JAKMIP3: variants seen among roughly 807,000 people sequenced by gnomAD.
The protein encoded by JAKMIP3 is Janus kinase and microtubule interacting protein 3, also known as janus kinase and microtubule-interacting protein 3.
A neutral mutation model predicts 118.5 loss-of-function variants in JAKMIP3; 58 were observed. That is an observed-to-expected ratio of 0.49 (90% confidence interval 0.40 to 0.61). The LOEUF (loss-of-function observed/expected upper bound fraction) is 0.61. Ranked by LOEUF, JAKMIP3 falls within the 20% of genes least tolerant of loss-of-function variation. The pLI is 0.00. For synonymous variants in JAKMIP3, 486 were observed against 451.2 expected (o/e 1.08, Z -0.98); for missense variants, 950 against 1,109.0 (o/e 0.86, Z 2.04).
In JAKMIP3 at chr10:132,044,108, C is replaced by T. The variant is rs901095365; in HGVS notation, c.-138+7370C>T. 1.5e-4 allele frequency among the ~76,000 whole-genome samples: 23 copies of T among 152,308 alleles called. No homozygotes were observed. Among genetic ancestry groups the T allele is most frequent in the Non-Finnish European group, 2.4e-4 (16 of 68,026 alleles). ...TGGCCCACCTGGGGACACAGGCTGC[C>T]GCCTTGATGCTGCTCCCCTGGGACC... On this transcript the variant is annotated intron_variant, in intron 1 of 23. Transcript: ENST00000657785. The surrounding 1 kb of genome is among the most constrained non-coding windows in gnomAD (Gnocchi z 5.3).
chr10:132,052,096 A>G (rs151262408), intron 1 of JAKMIP3, among the ~76,000 whole-genome samples: 2 of 152,266 alleles, frequency 1.3e-5, no homozygotes, highest in East Asian at 3.9e-4. Context: ...ATGGTGGTGC[A>G]TGCCTGTAGT....
intron 1 of JAKMIP3, among the ~76,000 whole-genome samples, chr10:132,036,800 G>C: frequency 6.6e-6 from 1 of 151,574 alleles, no homozygotes; most frequent in East Asian, 1.9e-4. Flanking sequence ...CGTCTGGCAC[G>C]GTGCGTCCGG....
In JAKMIP3 at chr10:132,039,383, C is replaced by T. The variant is rs537914558; in HGVS notation, c.-138+2645C>T. ...CCCGTCTGCCCTGCCTTGCCCCCTC[C>T]GGTTTTGACATCCCCCCATACCTGC... On this transcript the variant is annotated intron_variant, in intron 1 of 23. Coordinates refer to the JAKMIP3 transcript ENST00000657785. Among the ~76,000 whole-genome samples, 10 of 150,960 alleles carry T rather than the reference C, an allele frequency of 6.6e-5. No homozygotes were observed. In the East Asian group the frequency reaches 1.8e-3, roughly 27 times the overall value.
At chr10:132,110,570 C>T (rs1385557880) in intron 2 of JAKMIP3, among the ~76,000 whole-genome samples, 1 of 152,250 alleles carries the variant, frequency 6.6e-6, no homozygotes, top group Non-Finnish European at 1.5e-5. Flanking sequence ...TCTGCAACTG[C>T]TTCATCACAT....
chr10:132,100,696 G>A (rs1275194952), intron 1 of JAKMIP3, among the ~76,000 whole-genome samples: 6 of 152,178 alleles, frequency 3.9e-5, no homozygotes. Context: ...TACCAAAGCT[G>A]TGATCATCCG....
intron 1 of JAKMIP3, among the ~76,000 whole-genome samples, chr10:132,050,708 C>T (rs935656457): frequency 4.6e-5 from 7 of 152,170 alleles, no homozygotes; most frequent in Admixed American, 1.3e-4. Context: ...CACATTTTTT[C>T]ATTTTTTGTG....
rs866098015 is a variant in JAKMIP3, at chr10:132,140,182, C to T, written c.1345-269C>T. ...AGGGAACCGCAGGGACGGTGCCCCA[C>T]GAAGGGCCTCATTCCCCACCACCAA... On this transcript the variant is annotated intron_variant, in intron 9 of 23. Transcript: ENST00000684848. Among the ~76,000 whole-genome samples the T allele has an allele frequency of 5.9e-5, 9 of 152,362 alleles. No individual in the cohort carries two copies. In the East Asian group the frequency reaches 7.7e-4, roughly 13 times the overall value.
At position 132,127,126 on chromosome 10, in the gene JAKMIP3, A is replaced by AT. The variant is rs200349560; in HGVS notation, c.634-6182dup. 7.3e-3 allele frequency among the ~76,000 whole-genome samples: 1,109 copies of AT among 151,724 alleles called. 9 individuals carry two copies. Among genetic ancestry groups the AT allele is most frequent in the African/African-American group, 0.026 (1,067 of 41,344 alleles). On this transcript the variant is annotated intron_variant, in intron 3 of 23. Coordinates refer to ENST00000684848, the MANE Select transcript of JAKMIP3 (RefSeq NM_001323087.2). ...TGTATTTAATAAATATAAAGTTCAG[A>AT]TTTTATGTTTATTTTTATGTTAAGT...
At chr10:132,093,857 G>C (rs2043451503) in intron 1 of JAKMIP3, among the ~76,000 whole-genome samples, 2 of 151,544 alleles carry the variant, frequency 1.3e-5, no homozygotes, top group Admixed American at 1.3e-4. Flanking sequence ...GACTGGAGCT[G>C]TTCCTATTCA....
intron 2 of JAKMIP3, among the ~76,000 whole-genome samples, chr10:132,115,464 G>A (rs2047500912): frequency 6.6e-6 from 1 of 152,236 alleles, no homozygotes; most frequent in Admixed American, 6.5e-5. Context: ...AGGCGCCACA[G>A]CCCTGATCTT....
Position 132,133,451 on chromosome 10 carries a change from G to C in JAKMIP3, c.773G>C (p.Arg258Pro). 1 of 1,586,586 alleles carries C rather than the reference G, an allele frequency of 6.3e-7. No individual in the cohort carries two copies. The highest frequency in any genetic ancestry group is 2.3e-5 in the East Asian group (1 of 43,372). Reference sequence around the variant, plus strand: ...CTGTCCCAGGTCCGAGAGGCCGACCGGCACCCGGGCAGCCCCAGACGGGAA... The same window carrying C: ...CTGTCCCAGGTCCGAGAGGCCGACCCGCACCCGGGCAGCCCCAGACGGGAA... ...EQLSQVREAD[R>P]HPGSPRRELP... The change falls in exon 4 of 24, where the codon CGG becomes CCG. Residue 258 changes from arginine (R) to proline (P), a missense_variant. Arg to Pro is a moderately radical substitution (Grantham distance 103). Coordinates refer to ENST00000684848, the MANE Select transcript of JAKMIP3 (RefSeq NM_001323087.2).
rs1158301996 is a variant in JAKMIP3, at chr10:132,180,582, T to TGTGTGC, written c.*1104-1774_*1104-1773insTGTGCG. On this transcript the variant is annotated intron_variant, in intron 23 of 23. Coordinates refer to ENST00000684848, the MANE Select transcript of JAKMIP3 (RefSeq NM_001323087.2). ...GCGTGTGTGTGCGTGTGTGTGTGCG[T>TGTGTGC]GCGCGTGTGTGTGTGCGTGCGCGTG... is the stretch of plus-strand genomic sequence containing the variant. Among the ~76,000 whole-genome samples the TGTGTGC allele has an allele frequency of 5.2e-4, 11 of 21,304 alleles. 4 individuals are homozygous for TGTGTGC. Among genetic ancestry groups the TGTGTGC allele is most frequent in the African/African-American group, 2.2e-3 (11 of 5,082 alleles). 14.0% of individuals were successfully genotyped at this position (21,304 alleles called of 152,430 possible).
At chr10:132,080,474 T>A in intron 1 of JAKMIP3, among the ~76,000 whole-genome samples, 1 of 151,064 alleles carries the variant, frequency 6.6e-6, no homozygotes, top group East Asian at 1.9e-4. Flanking sequence ...AAGATCAGAT[T>A]ATTTATTTTC....
At chr10:132,139,250 ATGT>A (rs2052721749) in intron 9 of JAKMIP3, among the ~76,000 whole-genome samples, 37 of 72,612 alleles carry the variant, frequency 5.1e-4, no homozygotes, top group East Asian at 1.8e-3. Context: ...CTGTGTGTGT[ATGT>A]GTGTGTGTGT....
At chr10:132,123,319 C>T (rs931788173) in intron 3 of JAKMIP3, among the ~76,000 whole-genome samples, 9 of 152,246 alleles carry the variant, frequency 5.9e-5, no homozygotes, top group East Asian at 1.9e-4. Flanking sequence ...GCACGCTCAG[C>T]GCGTTTGCTA....
In JAKMIP3 at chr10:132,180,748, C is replaced by CGTGTGTGTGT. The variant is rs1389047093; in HGVS notation, c.*1104-1608_*1104-1607insTGTGTGTGTG. The stretch of plus-strand genomic sequence containing the variant: ...GTGTGTGCGTGTGTGCGTGCGTGCG[C>CGTGTGTGTGT]GCGCGTGTGTGCGTGTGTGTGCGTG... On this transcript the variant is annotated intron_variant, in intron 23 of 23. Transcript: ENST00000684848. Among the ~76,000 whole-genome samples, 5 of 8,326 alleles carry CGTGTGTGTGT rather than the reference C, an allele frequency of 6.0e-4. 2 individuals carry two copies. Among genetic ancestry groups the CGTGTGTGTGT allele is most frequent in the South Asian group, 9.2e-3 (2 of 218 alleles). The allele number at this position is 8,326 out of a possible 152,430, so 5.5% of individuals were successfully genotyped here.
intron 23 of JAKMIP3, among the ~76,000 whole-genome samples, chr10:132,171,648 C>CT (rs1324091102): frequency 0.01 from 1,289 of 125,416 alleles, 31 homozygotes; most frequent in African/African-American, 0.04. Context: ...TTATTTTTTT[C>CT]TTTCTTTTTT....
chr10:132,096,030 G>T (rs2043812269), intron 1 of JAKMIP3, among the ~76,000 whole-genome samples: 1 of 151,684 alleles, frequency 6.6e-6, no homozygotes, highest in Admixed American at 6.6e-5. Flanking sequence ...CAGGTGCTGT[G>T]GTCTTGGGGG....
intron 3 of JAKMIP3, among the ~76,000 whole-genome samples, chr10:132,129,302 A>G (rs901372057): frequency 2.0e-5 from 3 of 152,128 alleles, no homozygotes; most frequent in Non-Finnish European, 4.4e-5. Context: ...CTGGGCTTGA[A>G]TTGCAGTGTC....
Sources: gnomAD v4.1 joint callset for allele counts (sites outside exome capture counted in the v4.1 genomes callset) on GRCh38, gnomAD v4.1.1 for gene constraint, Gnocchi (gnomAD v3.1) non-coding constraint, MANE v1.5 for transcripts, NCBI Gene and HGNC (gene_info 2026-07-23, HGNC 2026-07-21) for gene names.